ZDHHC11: variants seen among roughly 807,000 people sequenced by gnomAD.
ZDHHC11 encodes zDHHC palmitoyltransferase 11.
ZDHHC11 carries 44 observed loss-of-function variants against 51.3 expected under a neutral mutation model. That is an observed-to-expected ratio of 0.86 (90% confidence interval 0.67 to 1.10). The LOEUF (loss-of-function observed/expected upper bound fraction) is 1.10, where lower values mean the gene tolerates loss of function less well. Ranked by LOEUF, ZDHHC11 falls within the 50% of genes least tolerant of loss-of-function variation. ZDHHC11 has a pLI of 0.00. For synonymous variants in ZDHHC11, 163 were observed against 222.0 expected, an observed-to-expected ratio of 0.73 and a Z score of 2.36; for missense variants, 400 against 537.7, an observed-to-expected ratio of 0.74 and a Z score of 2.53.
At position 825,242 on chromosome 5, in the gene ZDHHC11, G is replaced by T; in HGVS notation, c.945C>A (p.Ala315=). ...ALGSSAQGVK[A]KSSLLIHKHL... is the part of the protein sequence containing the mutation. ...GCTTGTGAATCAGCAGGGAGCTCTT[G>T]GCTTTGACTCTGGTGGGACAGAAAG... The change falls in exon 8 of 13, where the codon GCC becomes GCA. Residue 315 remains alanine, a synonymous_variant. Coordinates refer to ENST00000283441, the MANE Select transcript of ZDHHC11 (RefSeq NM_024786.3). The T allele has an allele frequency of 6.2e-7, 1 of 1,612,598 alleles. No homozygotes were observed. The highest frequency in any genetic ancestry group is 8.5e-7 in the Non-Finnish European group (1 of 1,178,990).
chr5:849,168 C>T (rs1746757566), intron 1 of ZDHHC11, among the ~76,000 whole-genome samples: 1 of 152,220 alleles, frequency 6.6e-6, no homozygotes, highest in Non-Finnish European at 1.5e-5. Flanking sequence ...TACCCATTGG[C>T]CCTGCATACA....
At chr5:848,450 AC>A in intron 2 of ZDHHC11, 31 bp downstream of exon 2, 1 of 1,140,240 alleles carries the variant, frequency 8.8e-7, no homozygotes, top group Non-Finnish European at 1.2e-6. Flanking sequence ...TGACCCTGAC[AC>A]CTTGGGGCCT....
At position 825,156 on chromosome 5, in the gene ZDHHC11, C is replaced by T. The variant is rs201926199; in HGVS notation, c.1023+8G>A. 3.7e-6 allele frequency: 6 copies of T among 1,610,100 alleles called. No homozygotes were observed. The African/African-American group carries it at 6.7e-5, about 18-fold the overall frequency. ...CCTCGGGGTGCATCGCTGGTGACTG[C>T]AACTTACCCGTGCCGTCGAATCCCC... On this transcript the variant is annotated splice_region_variant and intron_variant, in intron 8 of 12. Transcript: ENST00000283441.
At chr5:845,406 G>A (rs1445356000) in intron 3 of ZDHHC11, among the ~76,000 whole-genome samples, 2 of 151,508 alleles carry the variant, frequency 1.3e-5, no homozygotes, top group Non-Finnish European at 2.9e-5. Context: ...ACAGGATGGG[G>A]CAGAGCCATT....
At chr5:823,864 C>G in intron 8 of ZDHHC11, 1 of 354,074 alleles carries the variant, frequency 2.8e-6, no homozygotes, top group South Asian at 2.1e-5. Context: ...CCCATGAGCC[C>G]GTGTGCCACA....
At chr5:810,534 C>A (rs1216457303) in intron 11 of ZDHHC11, among the ~76,000 whole-genome samples, 1 of 151,056 alleles carries the variant, frequency 6.6e-6, no homozygotes, top group Non-Finnish European at 1.5e-5. Context: ...AATGGACTTT[C>A]CCCGTGTGGC....
chr5:798,594 G>A (rs563245475), intron 12 of ZDHHC11, among the ~76,000 whole-genome samples: 11 of 150,538 alleles, frequency 7.3e-5, no homozygotes, highest in African/African-American at 2.7e-4. Flanking sequence ...AGTACTTTCT[G>A]GGATTATGTA....
upstream of ZDHHC11, chr5:851,054 T>C (rs1023505736): frequency 5.1e-6 from 1 of 196,390 alleles, no homozygotes; most frequent in Non-Finnish European, 1.0e-5. Context: ...GAGGCCACAC[T>C]GAGCAGAGGG....
At chr5:828,417 C>T (rs1440460595) in intron 7 of ZDHHC11, among the ~76,000 whole-genome samples, 3 of 151,212 alleles carry the variant, frequency 2.0e-5, no homozygotes, top group South Asian at 2.1e-4. Context: ...AGGTGCCCCC[C>T]ACCTCCCTCC....
upstream of ZDHHC11, among the ~76,000 whole-genome samples, chr5:855,968 G>T (rs1021404927): frequency 8.6e-5 from 13 of 151,694 alleles, no homozygotes; most frequent in Non-Finnish European, 1.9e-4. Context: ...AGTGAGCGAG[G>T]GGCACAGACC....
chr5:814,620 T>C (rs974921965), intron 11 of ZDHHC11, 141 bp downstream of exon 11: 4 of 951,322 alleles, frequency 4.2e-6, no homozygotes, highest in Non-Finnish European at 5.8e-6. Flanking sequence ...TGGCTATAAA[T>C]GTTCAGAGAA....
At chr5:837,834 T>A (rs73730966) in intron 5 of ZDHHC11, among the ~76,000 whole-genome samples, 2,351 of 151,924 alleles carry the variant, frequency 0.015, 44 homozygotes, top group African/African-American at 0.053. Flanking sequence ...CTTGAGAGGT[T>A]GCTCCAGATC....
At chr5:815,310 A>G (rs111487729) in intron 10 of ZDHHC11, among the ~76,000 whole-genome samples, 19,942 of 141,380 alleles carry the variant, frequency 0.14, 1,991 homozygotes, top group East Asian at 0.36. Context: ...TTGTTCCAAC[A>G]CCCCATGTGT....
chr5:814,923 T>C (rs1740579943), intron 10 of ZDHHC11, 128 bp from the exon 11 acceptor site: 1 of 967,092 alleles, frequency 1.0e-6, no homozygotes, highest in East Asian at 2.9e-5. Flanking sequence ...GCCTGGATCA[T>C]GGAATAGGAT....
chr5:824,134 A>C (rs184899355), intron 8 of ZDHHC11: 161 of 452,248 alleles, frequency 3.6e-4, no homozygotes, highest in African/African-American at 2.5e-3. Context: ...TAACCTCCAG[A>C]AGCTGGCCCC....
upstream of ZDHHC11, among the ~76,000 whole-genome samples, chr5:860,554 G>A (rs1748741183): frequency 6.6e-6 from 1 of 152,032 alleles, no homozygotes; most frequent in South Asian, 2.1e-4. This position sits in a 1 kb window ranked among gnomAD's most constrained non-coding sequence, Gnocchi z 4.2. Context: ...CTGAGACGGA[G>A]TAATTTTAAA....
rs70957306 is a variant in ZDHHC11, at chr5:802,825, C to CAAAAAAA, written c.1182-1668_1182-1662dup. Among the ~76,000 whole-genome samples the CAAAAAAA allele has an allele frequency of 3.7e-4, 7 of 19,116 alleles. 2 individuals carry two copies. The highest frequency in any genetic ancestry group is 8.4e-4 in the Non-Finnish European group (5 of 5,928). The allele number at this position is 19,116 out of a possible 152,430, so 12.5% of individuals were successfully genotyped here. A position where few individuals can be genotyped will look rare whatever the true frequency, so the allele number is the denominator to read the frequency against. ...TGTCTCTACTAAAAATACAAAAATA[C>CAAAAAAA]AAAAAAAAAAAAAAAAAAAAAAAAA... On this transcript the variant is annotated intron_variant, in intron 11 of 12. Transcript: ENST00000283441.
At chr5:854,672 G>GA (rs1747874728), upstream of ZDHHC11, among the ~76,000 whole-genome samples, 1 of 150,464 alleles carries the variant, frequency 6.6e-6, no homozygotes, top group Non-Finnish European at 1.5e-5. Flanking sequence ...TGAGCTGGGG[G>GA]CACAGATCCC....
chr5:809,252 G>A (rs866426846), intron 11 of ZDHHC11, among the ~76,000 whole-genome samples: 1 of 141,242 alleles, frequency 7.1e-6, no homozygotes, highest in East Asian at 2.1e-4. Context: ...TGCACCCCTC[G>A]CTGAGATGCA....
Sources: gnomAD v4.1 joint callset for allele counts (sites outside exome capture counted in the v4.1 genomes callset) on GRCh38, gnomAD v4.1.1 for gene constraint, Gnocchi (gnomAD v3.1) non-coding constraint, MANE v1.5 for transcripts, NCBI Gene and HGNC (gene_info 2026-07-23, HGNC 2026-07-21) for gene names.